Variants in ARHGAP39 observed in about 807,000 individuals in gnomAD.
ARHGAP39 encodes the protein rho GTPase-activating protein 39.
ARHGAP39 carries 44 observed loss-of-function variants against 106.9 expected under a neutral mutation model. That is an observed-to-expected ratio of 0.41 (90% CI 0.32 to 0.53). ARHGAP39 has a LOEUF of 0.53. Among genes scored for constraint, ARHGAP39 ranks in the 20% least tolerant of loss-of-function variants. The probability of loss-of-function intolerance (pLI) is 0.21; values close to 1 mark genes in which losing one functional copy is unlikely to be tolerated. For missense variants in ARHGAP39, 1,496 were observed against 1,577.3 expected (o/e 0.95, Z 0.87); for synonymous variants, 768 against 693.2 (o/e 1.11, Z -1.69).
rs1270356536 is a variant in ARHGAP39, at chr8:144,591,192, ACCT to A, written c.81-9918_81-9916del. Among the ~76,000 whole-genome samples the A allele has an allele frequency of 1.3e-5, 2 of 151,032 alleles. No homozygotes were observed. The highest frequency in any genetic ancestry group is 4.9e-5 in the African/African-American group (2 of 40,966). The stretch of plus-strand genomic sequence containing the variant: ...CAGCAGGTGCCTTCCCTGTCCATAC[ACCT>A]CCTCTCCCCAGCCGGAGCCTGGACC... On this transcript the variant is annotated intron_variant, in intron 2 of 11. Transcript: ENST00000377307. The surrounding 1 kb of genome is among the most constrained non-coding windows in gnomAD (Gnocchi z 5.3).
At chr8:144,568,928 C>T (rs770931061) in intron 3 of ARHGAP39, among the ~76,000 whole-genome samples, 3 of 151,962 alleles carry the variant, frequency 2.0e-5, no homozygotes, top group South Asian at 2.1e-4. Flanking sequence ...AATCAAACAG[C>T]GAGACGACAG....
intron 1 of ARHGAP39, among the ~76,000 whole-genome samples, chr8:144,608,187 A>C (rs1820367981): frequency 6.6e-6 from 1 of 151,778 alleles, no homozygotes; most frequent in Non-Finnish European, 1.5e-5. Flanking sequence ...AAAAAGGAAA[A>C]AGAAGAAGAA....
intron 1 of ARHGAP39, among the ~76,000 whole-genome samples, chr8:144,633,736 G>C (rs1000344046): frequency 5.9e-5 from 9 of 152,118 alleles, no homozygotes; most frequent in African/African-American, 2.2e-4. Flanking sequence ...ACCCAGGCTG[G>C]AGCGCAGTGG....
intron 3 of ARHGAP39, among the ~76,000 whole-genome samples, chr8:144,574,149 GAAA>G (rs35193383): frequency 1.9e-5 from 2 of 107,296 alleles, no homozygotes; most frequent in Admixed American, 1.0e-4. Flanking sequence ...CTGGGTGACA[GAAA>G]AAAAAAAAAA....
chr8:144,553,875 C>CCT (rs1320042804), intron 4 of ARHGAP39, among the ~76,000 whole-genome samples: 1 of 152,268 alleles, frequency 6.6e-6, no homozygotes, highest in Non-Finnish European at 1.5e-5. Flanking sequence ...AGTGGCAAGG[C>CCT]CTCTTCTCCC....
rs1478123109 is a variant in ARHGAP39 at position 144,647,339 on chromosome 8, A to C, written c.-82+38347T>G. ...GGGAAGGGACGAACAGCCCATCCTC[A>C]CATGAAACCCGCAGACTGCTGTGTC... is the stretch of plus-strand genomic sequence containing the variant. On this transcript the variant is annotated intron_variant, in intron 1 of 11. Transcript: ENST00000377307. This position sits in a 1 kb window ranked among gnomAD's most constrained non-coding sequence, Gnocchi z 4.8. 6.6e-6 allele frequency among the ~76,000 whole-genome samples: 1 copy of C among 152,088 alleles called. No homozygotes were observed. The highest frequency in any genetic ancestry group is 6.5e-5 in the Admixed American group (1 of 15,270).
chr8:144,628,163 A>G (rs1188864021), intron 1 of ARHGAP39, among the ~76,000 whole-genome samples: 1 of 152,196 alleles, frequency 6.6e-6, no homozygotes, highest in East Asian at 1.9e-4. Flanking sequence ...CAGCGTCCTC[A>G]GAGAGGGGTG....
chr8:144,634,113 G>A (rs1414419460), intron 1 of ARHGAP39, among the ~76,000 whole-genome samples: 1 of 152,246 alleles, frequency 6.6e-6, no homozygotes, highest in Non-Finnish European at 1.5e-5. Context: ...GGAACTCCAG[G>A]CCTCTGCTGG....
At chr8:144,538,135 CTCTGGCTGGCAGCAAGGCTGGGGCAG>C (rs376230612) in intron 6 of ARHGAP39, among the ~76,000 whole-genome samples, 4 of 152,256 alleles carry the variant, frequency 2.6e-5, no homozygotes, top group African/African-American at 9.6e-5. Context: ...AGCTTCTGCC[CTCTGGCTGGCAGCAAGGCTGGGGCAG>C]CCATGGCCTG....
intron 2 of ARHGAP39, among the ~76,000 whole-genome samples, chr8:144,592,963 T>C (rs888011137): frequency 6.6e-6 from 1 of 152,152 alleles, no homozygotes; most frequent in African/African-American, 2.4e-5. Context: ...AACTCACAGA[T>C]GCAATCTGAG....
chr8:144,693,999 T>A, the ARHGAP39 span, among the ~76,000 whole-genome samples: 27 of 151,636 alleles, frequency 1.8e-4, no homozygotes, highest in Non-Finnish European at 3.2e-4. Flanking sequence ...GCCAAGCAAA[T>A]AGCGAGGGCA....
rs1312168988 is a variant in ARHGAP39 at position 144,547,631 on chromosome 8, T to C, written c.1455A>G (p.Thr485=). The change falls in exon 5 of 12, where the codon ACA becomes ACG. Residue 485 remains threonine (T), a synonymous_variant. Coordinates refer to ENST00000377307, the MANE Select transcript of ARHGAP39 (RefSeq NM_025251.3). The surrounding 1 kb of genome is among the most constrained non-coding windows in gnomAD (Gnocchi z 5.2). ...WSSQQDTLSS[T]GYSPGTRKRK... ...GCTTGCGCGTGCCCGGGGAGTAGCC[T>C]GTGGAGGACAGGGTGTCCTGCTGGC... 1 of 1,518,724 alleles carries C rather than the reference T, an allele frequency of 6.6e-7. No individual in the cohort carries two copies. The highest frequency in any genetic ancestry group is 8.8e-7 in the Non-Finnish European group (1 of 1,134,574). The allele number at this position is 1,518,724 out of a possible 1,614,324, so 94.1% of individuals were successfully genotyped here.
In ARHGAP39 at chr8:144,684,087, C is replaced by T. The variant is rs1213105404; in HGVS notation, c.-82+1599G>A. Among the ~76,000 whole-genome samples the T allele has an allele frequency of 6.6e-6, 1 of 152,226 alleles. No homozygotes were observed. The highest frequency in any genetic ancestry group is 1.5e-5 in the Non-Finnish European group (1 of 68,038). ...GCCAGTAAACAGAAGAGTCGCGACTCAGAGGCGGGCAGCCTGGCTCCAGAA... is the reference window on the plus strand; with the variant it reads ...GCCAGTAAACAGAAGAGTCGCGACTTAGAGGCGGGCAGCCTGGCTCCAGAA... On this transcript the variant is annotated intron_variant, in intron 1 of 11. Coordinates refer to ENST00000377307, the MANE Select transcript of ARHGAP39 (RefSeq NM_025251.3). The surrounding 1 kb of genome is among the most constrained non-coding windows in gnomAD (Gnocchi z 4.4).
At chr8:144,567,863 C>T (rs1231537557) in intron 3 of ARHGAP39, among the ~76,000 whole-genome samples, 3 of 152,168 alleles carry the variant, frequency 2.0e-5, no homozygotes, top group Non-Finnish European at 4.4e-5. Context: ...TCTCCTTATC[C>T]TGCCCCTTTG....
At chr8:144,626,844 G>T (rs1820930676) in intron 1 of ARHGAP39, among the ~76,000 whole-genome samples, 1 of 152,296 alleles carries the variant, frequency 6.6e-6, no homozygotes. Flanking sequence ...TGACACTTGA[G>T]TGGGGCTCCC....
chr8:144,541,115 T>C (rs1014885225), intron 6 of ARHGAP39, among the ~76,000 whole-genome samples: 2 of 152,238 alleles, frequency 1.3e-5, no homozygotes, highest in African/African-American at 4.8e-5. Flanking sequence ...CCTCCCAAAG[T>C]GCTGGGATGA....
At chr8:144,599,456 T>C (rs1327635436) in intron 2 of ARHGAP39, among the ~76,000 whole-genome samples, 1 of 152,094 alleles carries the variant, frequency 6.6e-6, no homozygotes, top group Non-Finnish European at 1.5e-5. Flanking sequence ...GAAAACATAC[T>C]AACATCTGTT....
At position 144,547,091 on chromosome 8, in the gene ARHGAP39, G is replaced by A. The variant is rs201879096; in HGVS notation, c.1959+36C>T. 1 of 1,524,206 alleles carries A rather than the reference G, an allele frequency of 6.6e-7. No homozygotes were observed. Among genetic ancestry groups the A allele is most frequent in the African/African-American group, 1.4e-5 (1 of 72,350 alleles). 94.4% of individuals were successfully genotyped at this position (1,524,206 alleles called of 1,614,324 possible). A position where few individuals can be genotyped will look rare whatever the true frequency, so the allele number is the denominator to read the frequency against. On this transcript the variant is annotated intron_variant, in intron 5 of 11. Transcript: ENST00000377307. This position sits in a 1 kb window ranked among gnomAD's most constrained non-coding sequence, Gnocchi z 5.2. The stretch of plus-strand genomic sequence containing the variant: ...GTCCACTCTGACTGGGCTGGCCCCA[G>A]GCTCTCAAGCTCAGCCGCGCCCATT...
intron 2 of ARHGAP39, among the ~76,000 whole-genome samples, chr8:144,602,401 A>G (rs530773144): frequency 1.4e-4 from 11 of 78,414 alleles, no homozygotes; most frequent in African/African-American, 2.5e-4. Flanking sequence ...GTGTGCGTGG[A>G]GGCGTGTGTG....
Sources: gnomAD v4.1 joint callset for allele counts (sites outside exome capture counted in the v4.1 genomes callset) on GRCh38, gnomAD v4.1.1 for gene constraint, Gnocchi (gnomAD v3.1) non-coding constraint, MANE v1.5 for transcripts, NCBI Gene and HGNC (gene_info 2026-07-23, HGNC 2026-07-21) for gene names.